Variants in DPP6 observed in about 807,000 individuals in gnomAD.
DPP6 encodes dipeptidyl peptidase like 6.
A neutral mutation model predicts 122.6 loss-of-function variants in DPP6; 69 were observed. That is an observed-to-expected ratio of 0.56 (90% CI 0.46 to 0.69). The LOEUF (loss-of-function observed/expected upper bound fraction) is 0.69, where lower values mean the gene tolerates loss of function less well. Ranked by LOEUF, DPP6 falls within the 30% of genes least tolerant of loss-of-function variation. The pLI is 0.00. For synonymous variants in DPP6, 418 were observed against 433.1 expected (o/e 0.97, Z 0.43); for missense variants, 928 against 1,116.9 (o/e 0.83, Z 2.41).
intron 1 of DPP6, among the ~76,000 whole-genome samples, chr7:154,209,577 C>T (rs528421332): frequency 4.0e-5 from 6 of 151,628 alleles, no homozygotes; most frequent in African/African-American, 1.2e-4. Context: ...TCTTCAGCTG[C>T]GACTGAAAAA....
chr7:154,348,444 T>C (rs1224809754), intron 1 of DPP6, among the ~76,000 whole-genome samples: 1 of 152,176 alleles, frequency 6.6e-6, no homozygotes, highest in Non-Finnish European at 1.5e-5. Flanking sequence ...GTTTCCAATA[T>C]CATTTTTTAT....
At chr7:154,157,604 C>T (rs1018253519) in intron 1 of DPP6, among the ~76,000 whole-genome samples, 1 of 152,194 alleles carries the variant, frequency 6.6e-6, no homozygotes, top group Non-Finnish European at 1.5e-5. Context: ...TTACCAACAA[C>T]TACTTTAATA....
intron 1 of DPP6, among the ~76,000 whole-genome samples, chr7:154,215,888 A>T (rs1182878119): frequency 6.6e-6 from 1 of 152,136 alleles, no homozygotes; most frequent in African/African-American, 2.4e-5. Context: ...AATTTTCTGA[A>T]TAGTAGGCTG....
At chr7:154,316,190 T>A (rs1807414449) in intron 1 of DPP6, among the ~76,000 whole-genome samples, 1 of 152,158 alleles carries the variant, frequency 6.6e-6, no homozygotes, top group Non-Finnish European at 1.5e-5. Flanking sequence ...TTCCCTATTG[T>A]TTAAAGTGTC....
chr7:154,663,441 G>A (rs1837905389), intron 6 of DPP6, among the ~76,000 whole-genome samples: 1 of 45,000 alleles, frequency 2.2e-5, no homozygotes, highest in Non-Finnish European at 8.6e-5. Context: ...ATTGGCCATA[G>A]TGTTCATATA....
chr7:154,603,047 A>C (rs1833465914), intron 5 of DPP6, among the ~76,000 whole-genome samples: 1 of 119,894 alleles, frequency 8.3e-6, no homozygotes. Flanking sequence ...TCAGTACTTA[A>C]CTATATCATT....
At chr7:154,732,967 C>T (rs1249475053) in intron 8 of DPP6, among the ~76,000 whole-genome samples, 1 of 152,200 alleles carries the variant, frequency 6.6e-6, no homozygotes, top group Non-Finnish European at 1.5e-5. Flanking sequence ...CCACCCTGCC[C>T]AGTCCACCGC....
intron 1 of DPP6, among the ~76,000 whole-genome samples, chr7:154,349,325 G>T (rs151150683): frequency 0.019 from 2,917 of 152,252 alleles, 84 homozygotes; most frequent in African/African-American, 0.065. Context: ...ACAGGCGCAC[G>T]CCACCACACC....
In DPP6 at chr7:154,755,393, G is replaced by A. The variant is rs891030216; in HGVS notation, c.884-14024G>A. 2.6e-5 allele frequency among the ~76,000 whole-genome samples: 4 copies of A among 152,120 alleles called. No homozygotes were observed. The highest frequency in any genetic ancestry group is 9.7e-5 in the African/African-American group (4 of 41,422). On this transcript the variant is annotated intron_variant, in intron 8 of 25. Coordinates refer to ENST00000377770, the MANE Select transcript of DPP6 (RefSeq NM_130797.4). This position sits in a 1 kb window ranked among gnomAD's most constrained non-coding sequence, Gnocchi z 4.7. ...CAGGTGAGGAGACTGGAGACAGGCA[G>A]GTGCAGAAATGTCTCTGTCAGTATT... is the stretch of plus-strand genomic sequence containing the variant.
chr7:153,964,978 C>CCTT (rs1795606644), intron 1 of DPP6, among the ~76,000 whole-genome samples: 2 of 71,232 alleles, frequency 2.8e-5, no homozygotes, highest in East Asian at 3.7e-4. Context: ...CATTTCTTTT[C>CCTT]CCTTCCTTCC....
At chr7:154,269,952 AT>A (rs2150931641) in intron 1 of DPP6, among the ~76,000 whole-genome samples, 1 of 152,342 alleles carries the variant, frequency 6.6e-6, no homozygotes, top group Non-Finnish European at 1.5e-5. Context: ...CAAACCCTAA[AT>A]AATGGGAAAT....
At chr7:154,059,855 T>C (rs1271533555) in intron 1 of DPP6, among the ~76,000 whole-genome samples, 8 of 151,216 alleles carry the variant, frequency 5.3e-5, no homozygotes, top group Admixed American at 6.5e-5. Context: ...TGCTAAAGGA[T>C]GGCCCCCCTA....
chr7:154,390,443 G>T (rs987770003), intron 1 of DPP6, among the ~76,000 whole-genome samples: 1 of 152,042 alleles, frequency 6.6e-6, no homozygotes, highest in African/African-American at 2.4e-5. Context: ...AAGGTGCTGG[G>T]TTTTATTCTG....
intron 1 of DPP6, among the ~76,000 whole-genome samples, chr7:153,888,675 C>T (rs570498757): frequency 6.8e-6 from 1 of 147,244 alleles, no homozygotes; most frequent in African/African-American, 2.5e-5. Context: ...AATCCTCTGA[C>T]GGTCCCTTAT....
chr7:153,794,677 GATGGAATGAT>G, the DPP6 span, among the ~76,000 whole-genome samples: 1 of 152,110 alleles, frequency 6.6e-6, no homozygotes. Flanking sequence ...AAGGGCCAGG[GATGGAATGAT>G]ATGGTTCGGC....
At chr7:154,761,124 C>T (rs780727075) in intron 8 of DPP6, among the ~76,000 whole-genome samples, 5 of 152,114 alleles carry the variant, frequency 3.3e-5, no homozygotes, top group South Asian at 2.1e-4. Flanking sequence ...TGTGAGCCAC[C>T]GCACCCAGCT....
At chr7:154,426,008 A>G (rs988845326) in intron 1 of DPP6, among the ~76,000 whole-genome samples, 22 of 152,186 alleles carry the variant, frequency 1.4e-4, no homozygotes, top group Admixed American at 2.6e-4. Context: ...GGCTAAAACA[A>G]AAGATGAGAT....
chr7:154,023,829 G>T (rs938073173), intron 1 of DPP6, among the ~76,000 whole-genome samples: 1 of 151,992 alleles, frequency 6.6e-6, no homozygotes, highest in Admixed American at 6.5e-5. Context: ...AGACCTACAC[G>T]CCTCCAAAAA....
intron 1 of DPP6, among the ~76,000 whole-genome samples, chr7:154,178,646 A>G (rs1321703995): frequency 6.6e-6 from 1 of 152,214 alleles, no homozygotes; most frequent in Non-Finnish European, 1.5e-5. Flanking sequence ...GAAGGAAGTC[A>G]CTGACTATGG....
Sources: allele counts gnomAD v4.1 joint callset (sites outside exome capture counted in the v4.1 genomes callset), GRCh38; gene constraint gnomAD v4.1.1; non-coding constraint Gnocchi (gnomAD v3.1); transcripts MANE v1.5; gene names NCBI Gene and HGNC (gene_info 2026-07-23, HGNC 2026-07-21).